Variants in CD163L1 observed in about 807,000 individuals in gnomAD.
CD163L1 encodes the protein scavenger receptor cysteine-rich type 1 protein M160.
CD163L1 carries 124 observed loss-of-function variants against 165.4 expected under a neutral mutation model. The ratio of observed to expected loss-of-function variants is 0.75; its 90% CI spans 0.65 to 0.87. The LOEUF (loss-of-function observed/expected upper bound fraction) is 0.87, where lower values mean the gene tolerates loss of function less well. Among genes scored for constraint, CD163L1 ranks in the 40% least tolerant of loss-of-function variants. The pLI is 0.00. For missense variants in CD163L1, 1,525 were observed against 1,799.9 expected, an observed-to-expected ratio of 0.85 and a Z score of 2.76; for synonymous variants, 585 against 662.2, an observed-to-expected ratio of 0.88 and a Z score of 1.79.
At chr12:7,365,802 A>G (rs1186006971) in intron 18 of CD163L1, among the ~76,000 whole-genome samples, 1 of 152,116 alleles carries the variant, frequency 6.6e-6, no homozygotes, top group Non-Finnish European at 1.5e-5. Context: ...ACCCTCATAC[A>G]CCATTGACAG....
At position 7,375,306 on chromosome 12, in the gene CD163L1, T is replaced by A; in HGVS notation, c.2976A>T (p.Gly992=). 1 of 1,614,080 alleles carries A rather than the reference T, an allele frequency of 6.2e-7. No individual in the cohort carries two copies. Among genetic ancestry groups the A allele is most frequent in the Non-Finnish European group, 8.5e-7 (1 of 1,179,978 alleles). Residue 992 remains glycine, a synonymous_variant, in exon 11 of 20, where the codon GGA becomes GGT. Transcript: ENST00000313599. ...CTGTGCAGATCACAGAGACAGTATT[T>A]CCATGGATACAGGGAGGTGCTCCAA... ...TVLGAPPCIH[G]NTVSVICTGS... is the part of the protein sequence containing the mutation.
At chr12:7,380,400 C>T (rs113842048) in intron 8 of CD163L1, among the ~76,000 whole-genome samples, 446 of 40,920 alleles carry the variant, frequency 0.011, 2 homozygotes, top group African/African-American at 0.015. Flanking sequence ...TGCGTATACA[C>T]ACATGTATGT....
intron 2 of CD163L1, chr12:7,439,855 G>A (rs1948792410): frequency 1.2e-6 from 2 of 1,611,986 alleles, no homozygotes; most frequent in Non-Finnish European, 8.5e-7. Context: ...AAAGGCCTCC[G>A]CTCCTCTCGC....
In CD163L1 at chr12:7,367,572, C is replaced by T. The variant is rs143264771; in HGVS notation, c.4184-241G>A. On this transcript the variant is annotated intron_variant, in intron 17 of 19. Transcript: ENST00000313599. ...TACATAGTATTTACTATGTGCTGGC[C>T]ATTTTTCATACAGATGATTAATTTA... 4.7e-4 allele frequency: 154 copies of T among 327,410 alleles called. 1 individual carries two copies. In the East Asian group the frequency reaches 5.9e-3, roughly 13 times the overall value. The allele number at this position is 327,410 out of a possible 1,614,324, so 20.3% of individuals were successfully genotyped here. A position where few individuals can be genotyped will look rare whatever the true frequency, so the allele number is the denominator to read the frequency against.
At chr12:7,421,436 T>C (rs1419212457) in intron 4 of CD163L1, among the ~76,000 whole-genome samples, 2 of 117,802 alleles carry the variant, frequency 1.7e-5, no homozygotes, top group Non-Finnish European at 3.3e-5. Context: ...TATGTACATA[T>C]ATACATATAC....
At position 7,398,576 on chromosome 12, in the gene CD163L1, C is replaced by T; in HGVS notation, c.1417G>A (p.Asp473Asn). 1 of 1,557,516 alleles carries T rather than the reference C, an allele frequency of 6.4e-7. No individual in the cohort carries two copies. The highest frequency in any genetic ancestry group is 8.7e-7 in the Non-Finnish European group (1 of 1,155,740). The change falls in exon 7 of 20, where the codon GAT becomes AAT. Residue 473 changes from aspartate to asparagine, a missense_variant. Physicochemically the swap from Asp to Asn is conservative, Grantham distance 23. Transcript: ENST00000313599. The surrounding 1 kb of genome is among the most constrained non-coding windows in gnomAD (Gnocchi z 4.5). ...GCCCCGACAAGCCTTAGGTCCAGAT[C>T]TGCCTTATCTGCAAGCAAGACAAAA... is the stretch of plus-strand genomic sequence containing the variant. ...DAGVICSDKA[D>N]LDLRLVGAHS... is the part of the protein sequence containing the mutation.
rs180894135 is a variant in CD163L1 at position 7,436,280 on chromosome 12, G to A, written c.125-2586C>T. ...CTAATCAAATATAACATTAAACAGC[G>A]AGAAATTTAAAGCATTTTAAAAAGC... On this transcript the variant is annotated intron_variant, in intron 2 of 19. Transcript: ENST00000313599. 2.7e-4 allele frequency among the ~76,000 whole-genome samples: 41 copies of A among 152,156 alleles called. No homozygotes were observed. The East Asian group carries it at 7.1e-3, about 27-fold the overall frequency.
intron 9 of CD163L1, among the ~76,000 whole-genome samples, chr12:7,376,985 A>G (rs1448068853): frequency 1.3e-5 from 2 of 152,112 alleles, no homozygotes; most frequent in East Asian, 3.8e-4. Context: ...TCCATATTTC[A>G]CTCAGAGTAA....
chr12:7,333,501 G>T, the CD163L1 span, among the ~76,000 whole-genome samples: 1 of 152,198 alleles, frequency 6.6e-6, no homozygotes, highest in African/African-American at 2.4e-5. Context: ...GTGTGTAGAG[G>T]GAAATTTATA....
rs777572138 is a variant in CD163L1 at position 7,369,607 on chromosome 12, G to A, written c.3789C>T (p.His1263=). The A allele has an allele frequency of 1.4e-5, 23 of 1,613,518 alleles. No individual in the cohort carries two copies. The highest frequency in any genetic ancestry group is 1.8e-5 in the Non-Finnish European group (21 of 1,179,902). ...TECSGRVEIW[H]AGSWGTVCDD... ...CACACACTGTGCCCCAGGAGCCTGC[G>A]TGCCAGATCTCCACTCTCCCAGAGC... is the stretch of plus-strand genomic sequence containing the variant. The change falls in exon 15 of 20, where the codon CAC becomes CAT. Residue 1263 remains histidine, a synonymous_variant. Coordinates refer to ENST00000313599, the MANE Select transcript of CD163L1 (RefSeq NM_174941.6). This position sits in a 1 kb window ranked among gnomAD's most constrained non-coding sequence, Gnocchi z 4.9.
chr12:7,370,236 G>C (rs747471207), intron 14 of CD163L1, among the ~76,000 whole-genome samples: 25 of 152,246 alleles, frequency 1.6e-4, no homozygotes, highest in African/African-American at 5.8e-4. Flanking sequence ...TGCAGGATAA[G>C]CCCAACTCTC....
rs1210931690 is a variant in CD163L1 at position 7,367,232 on chromosome 12, A to G, written c.4279+4T>C. ...TGGAGTGCGGCCCCTGGAGTTGCAC[A>G]GACCTGAGGTTCTTGTCCCATGTGG... is the stretch of plus-strand genomic sequence containing the variant. On this transcript the variant is annotated splice_donor_region_variant and intron_variant, in intron 18 of 19. Coordinates refer to ENST00000313599, the MANE Select transcript of CD163L1 (RefSeq NM_174941.6). The G allele has an allele frequency of 1.4e-5, 23 of 1,601,590 alleles. No homozygotes were observed. Among genetic ancestry groups the G allele is most frequent in the Non-Finnish European group, 2.0e-5 (23 of 1,169,886 alleles).
At chr12:7,353,586 T>G (rs1219618602), downstream of CD163L1, among the ~76,000 whole-genome samples, 1 of 151,988 alleles carries the variant, frequency 6.6e-6, no homozygotes, top group Non-Finnish European at 1.5e-5. Context: ...TAATGGAAGT[T>G]TAAAAAATAA....
the CD163L1 span, among the ~76,000 whole-genome samples, chr12:7,331,184 A>G: frequency 6.6e-6 from 1 of 152,240 alleles, no homozygotes; most frequent in Non-Finnish European, 1.5e-5. Flanking sequence ...AGCCTCGCTC[A>G]TTGCTAGCAC....
the CD163L1 span, chr12:7,327,133 C>A: frequency 6.4e-7 from 1 of 1,555,298 alleles, no homozygotes; most frequent in Admixed American, 2.0e-5. Context: ...TGGATGTTAC[C>A]AAACTAGGGT....
intron 14 of CD163L1, among the ~76,000 whole-genome samples, chr12:7,371,584 C>A: frequency 6.6e-6 from 1 of 151,388 alleles, no homozygotes; most frequent in South Asian, 2.1e-4. Context: ...TAGTTGAAAT[C>A]CAAAATTTCA....
intron 4 of CD163L1, among the ~76,000 whole-genome samples, chr12:7,430,616 A>G (rs893995486): frequency 1.3e-5 from 2 of 152,200 alleles, no homozygotes; most frequent in Non-Finnish European, 2.9e-5. Flanking sequence ...ATTTGAGAGA[A>G]GGCGGGAAAT....
chr12:7,320,765 C>T, the CD163L1 span: 9 of 1,613,706 alleles, frequency 5.6e-6, no homozygotes, highest in Non-Finnish European at 7.6e-6. Context: ...TGCAGTCCTC[C>T]CACTGTGTAC....
At chr12:7,439,316 C>T (rs1948782289) in intron 2 of CD163L1, 13 of 1,573,710 alleles carry the variant, frequency 8.3e-6, no homozygotes, top group Non-Finnish European at 6.9e-6. Flanking sequence ...ACTTTAATTC[C>T]TTTGTTTCTT....
Sources: allele counts gnomAD v4.1 joint callset (sites outside exome capture counted in the v4.1 genomes callset), GRCh38; gene constraint gnomAD v4.1.1; non-coding constraint Gnocchi (gnomAD v3.1); transcripts MANE v1.5; gene names NCBI Gene and HGNC (gene_info 2026-07-23, HGNC 2026-07-21).